Variants in RBM20 observed in about 807,000 individuals in gnomAD.
RBM20 encodes RNA-binding protein 20.
Under a neutral mutation model 110.1 loss-of-function variants are expected in RBM20, and 51 were observed. That is an observed-to-expected ratio of 0.46 (90% CI 0.37 to 0.59). The LOEUF is 0.59. Ranked by LOEUF, RBM20 falls within the 20% of genes least tolerant of loss-of-function variation. The probability of loss-of-function intolerance (pLI) is 0.00; values close to 1 mark genes in which losing one functional copy is unlikely to be tolerated. For missense variants in RBM20, 1,512 were observed against 1,574.9 expected, an observed-to-expected ratio of 0.96 and a Z score of 0.68; for synonymous variants, 589 against 618.2, an observed-to-expected ratio of 0.95 and a Z score of 0.70.
Position 110,800,235 on chromosome 10 carries a change from C to T in RBM20, c.1800+317C>T, listed in dbSNP as rs147101047. 1.8e-3 allele frequency among the ~76,000 whole-genome samples: 275 copies of T among 152,318 alleles called. 3 individuals are homozygous for T. The East Asian group carries it at 0.03, about 17-fold the overall frequency. ...GTGCTGAGAGTTCCAGGCATAAACC[C>T]TTGAATACAACCTTCTCTCCCTATA... On this transcript the variant is annotated intron_variant, in intron 7 of 13. Coordinates refer to ENST00000369519, the MANE Select transcript of RBM20 (RefSeq NM_001134363.3).
chr10:110,819,501 T>C lies in RBM20; in HGVS notation c.2551-571T>C, dbSNP rs540700405. Among the ~76,000 whole-genome samples the C allele has an allele frequency of 7.9e-5, 12 of 152,296 alleles. No individual in the cohort carries two copies. In the South Asian group the frequency reaches 2.5e-3, roughly 32 times the overall value. Reference sequence around the variant, plus strand: ...TTTCAATTGTTCAGTTTCACAGACATGCGCACTACTGTGAGGGTCCTGATT... The same window carrying C: ...TTTCAATTGTTCAGTTTCACAGACACGCGCACTACTGTGAGGGTCCTGATT... On this transcript the variant is annotated intron_variant, in intron 9 of 13. Coordinates refer to ENST00000369519, the MANE Select transcript of RBM20 (RefSeq NM_001134363.3).
At chr10:110,828,734 C>T (rs1012351377) in intron 12 of RBM20, among the ~76,000 whole-genome samples, 1 of 152,182 alleles carries the variant, frequency 6.6e-6, no homozygotes, top group Non-Finnish European at 1.5e-5. Flanking sequence ...CCTGAGGTCA[C>T]ACAGCATAAG....
chr10:110,782,202 C>T (rs1435225425), intron 2 of RBM20, among the ~76,000 whole-genome samples: 1 of 152,194 alleles, frequency 6.6e-6, no homozygotes, highest in Admixed American at 6.5e-5. Context: ...CCTGCCTTCT[C>T]GTGGAGGGCT....
At chr10:110,757,002 A>G (rs1843930275) in intron 1 of RBM20, among the ~76,000 whole-genome samples, 1 of 152,202 alleles carries the variant, frequency 6.6e-6, no homozygotes, top group African/African-American at 2.4e-5. Flanking sequence ...AACAACTTAC[A>G]ATCAGATTTG....
At chr10:110,804,595 C>T (rs1043432797) in intron 7 of RBM20, among the ~76,000 whole-genome samples, 1 of 152,186 alleles carries the variant, frequency 6.6e-6, no homozygotes, top group African/African-American at 2.4e-5. Flanking sequence ...AGTTCCTCAG[C>T]TTATTTGAGG....
intron 1 of RBM20, among the ~76,000 whole-genome samples, chr10:110,705,586 A>G (rs367626428): frequency 7.2e-4 from 110 of 152,362 alleles, no homozygotes; most frequent in African/African-American, 2.6e-3. Flanking sequence ...CTGGATTTGC[A>G]TGAGCAACTA....
At chr10:110,794,875 A>G (rs1844530498) in intron 5 of RBM20, among the ~76,000 whole-genome samples, 2 of 152,248 alleles carry the variant, frequency 1.3e-5, no homozygotes, top group Admixed American at 1.3e-4. Context: ...TCTACTACCC[A>G]GCAGCAGCAG....
intron 12 of RBM20, among the ~76,000 whole-genome samples, chr10:110,828,434 G>T (rs1254193152): frequency 1.3e-5 from 2 of 152,206 alleles, no homozygotes; most frequent in African/African-American, 4.8e-5. Context: ...CCTGGTAGCT[G>T]CCTGGTACTG....
intron 1 of RBM20, among the ~76,000 whole-genome samples, chr10:110,671,736 GATAT>G (rs35930707): frequency 1.3e-5 from 2 of 150,902 alleles, no homozygotes; most frequent in African/African-American, 4.9e-5. Flanking sequence ...CACTGTTTAA[GATAT>G]ATATATATAT....
chr10:110,715,389 A>C (rs1032154082), intron 1 of RBM20, among the ~76,000 whole-genome samples: 6 of 152,266 alleles, frequency 3.9e-5, no homozygotes, highest in African/African-American at 1.4e-4. Flanking sequence ...CACTGTCTGC[A>C]GCACTTTCAT....
chr10:110,670,309 A>G (rs1223192867), intron 1 of RBM20, among the ~76,000 whole-genome samples: 2 of 152,226 alleles, frequency 1.3e-5, no homozygotes, highest in Non-Finnish European at 2.9e-5. Context: ...GAAATGATCT[A>G]GCTCACTCTT....
At chr10:110,648,949 A>C (rs1357830908) in intron 1 of RBM20, among the ~76,000 whole-genome samples, 1 of 152,230 alleles carries the variant, frequency 6.6e-6, no homozygotes, top group Middle Eastern at 3.2e-3. Flanking sequence ...CATATGGTGC[A>C]CACAGAGCTG....
intron 1 of RBM20, among the ~76,000 whole-genome samples, chr10:110,716,566 CA>C (rs1027265686): frequency 2.0e-5 from 3 of 152,228 alleles, no homozygotes. Context: ...GTTCAGAAGA[CA>C]GTGGGTATTT....
At chr10:110,795,799 T>C (rs1000326294) in intron 5 of RBM20, among the ~76,000 whole-genome samples, 3 of 152,194 alleles carry the variant, frequency 2.0e-5, no homozygotes, top group Admixed American at 6.5e-5. Context: ...TCCAGGCTGA[T>C]TAAGGTTTGC....
At chr10:110,792,110 G>A (rs922693897) in intron 5 of RBM20, among the ~76,000 whole-genome samples, 5 of 151,974 alleles carry the variant, frequency 3.3e-5, no homozygotes, top group African/African-American at 4.8e-5. Context: ...TGCCCCATTT[G>A]CTTTGTCATT....
At chr10:110,750,060 T>G (rs1185747689) in intron 1 of RBM20, among the ~76,000 whole-genome samples, 1 of 152,198 alleles carries the variant, frequency 6.6e-6, no homozygotes, top group Non-Finnish European at 1.5e-5. Flanking sequence ...AGTATACACA[T>G]AGGTGTTGCC....
chr10:110,747,521 G>T (rs543223095), intron 1 of RBM20, among the ~76,000 whole-genome samples: 1 of 152,242 alleles, frequency 6.6e-6, no homozygotes, highest in African/African-American at 2.4e-5. Context: ...TTATAGTCAG[G>T]GCTCTGCCCT....
Position 110,810,848 on chromosome 10 carries a change from T to TGC in RBM20, c.1880+387_1880+388insCG, listed in dbSNP as rs1844759137. 3.3e-5 allele frequency among the ~76,000 whole-genome samples: 5 copies of TGC among 150,430 alleles called. No homozygotes were observed. In the South Asian group the frequency reaches 1.0e-3, roughly 31 times the overall value. On this transcript the variant is annotated intron_variant, in intron 8 of 13. Coordinates refer to ENST00000369519, the MANE Select transcript of RBM20 (RefSeq NM_001134363.3). ...GCGTGTGTGTGTGCATGTGTGTGCGTGTGTGTGTGTGTGTACGTGTGGCTT... is the reference window on the plus strand; with the variant it reads ...GCGTGTGTGTGTGCATGTGTGTGCGTGCGTGTGTGTGTGTGTACGTGTGGCTT...
chr10:110,799,171 G>A (rs977795396), intron 6 of RBM20, among the ~76,000 whole-genome samples: 7 of 152,120 alleles, frequency 4.6e-5, no homozygotes, highest in African/African-American at 1.7e-4. Context: ...TGTGTCTCTT[G>A]CTGTCACCAT....
Sources: gnomAD v4.1 joint callset for allele counts (sites outside exome capture counted in the v4.1 genomes callset) on GRCh38, gnomAD v4.1.1 for gene constraint, MANE v1.5 for transcripts, NCBI Gene and HGNC (gene_info 2026-07-23, HGNC 2026-07-21) for gene names.